Variants in PDE4D observed in about 807,000 individuals in gnomAD.
PDE4D encodes 3',5'-cyclic-AMP phosphodiesterase 4D.
Under a neutral mutation model 87.4 loss-of-function variants are expected in PDE4D, and 24 were observed. The observed-to-expected ratio is 0.27, with a 90% CI of 0.20 to 0.39. PDE4D has a LOEUF of 0.39. PDE4D is among the 10% of genes least tolerant of loss of function. The pLI, the probability that PDE4D is intolerant of heterozygous loss-of-function variation, is 1.00. For missense variants in PDE4D, 714 were observed against 1,041.0 expected (o/e 0.69, Z 4.32); for synonymous variants, 384 against 383.2 (o/e 1.00, Z -0.02).
intron 2 of PDE4D, among the ~76,000 whole-genome samples, chr5:60,009,834 T>C (rs991467419): frequency 2.6e-5 from 4 of 152,142 alleles, no homozygotes; most frequent in Non-Finnish European, 5.9e-5. Flanking sequence ...ATTGGTTTAA[T>C]TTTACTGAGT....
chr5:59,864,466 A>G (rs1394067484), intron 1 of PDE4D, among the ~76,000 whole-genome samples: 9 of 152,228 alleles, frequency 5.9e-5, no homozygotes, highest in African/African-American at 2.2e-4. Context: ...GTGTCTTCCT[A>G]AAAATAAACC....
chr5:60,495,095 C>T (rs1215541546), intron 1 of PDE4D, among the ~76,000 whole-genome samples: 2 of 152,198 alleles, frequency 1.3e-5, no homozygotes, highest in African/African-American at 2.4e-5. Context: ...ACTTCTTTAA[C>T]CTTCCCACAA....
In PDE4D at chr5:59,004,348, T is replaced by A. The variant is rs148112469; in HGVS notation, c.922-10883A>T. Among the ~76,000 whole-genome samples the A allele has an allele frequency of 1.6e-4, 24 of 152,364 alleles. No individual in the cohort carries two copies. The East Asian group carries it at 4.6e-3, about 29-fold the overall frequency. On this transcript the variant is annotated intron_variant, in intron 6 of 14. Coordinates refer to ENST00000340635, the MANE Select transcript of PDE4D (RefSeq NM_001104631.2). The stretch of plus-strand genomic sequence containing the variant: ...CATGGAAAATGAGAATAATAGTTTC[T>A]ACCTTACAGGGTTGTTGTGAGGATT...
intron 1 of PDE4D, among the ~76,000 whole-genome samples, chr5:60,232,999 A>G (rs1745990412): frequency 6.6e-6 from 1 of 151,870 alleles, no homozygotes; most frequent in Admixed American, 6.6e-5. Flanking sequence ...GGTATTAAAT[A>G]ATCCCAATTA....
intron 1 of PDE4D, among the ~76,000 whole-genome samples, chr5:59,222,504 T>C (rs1364184783): frequency 3.3e-5 from 5 of 152,082 alleles, no homozygotes; most frequent in Non-Finnish European, 7.4e-5. Context: ...GAGCAGCTGC[T>C]AAGGAACCTC....
chr5:59,178,338 G>T (rs901659460), intron 5 of PDE4D, among the ~76,000 whole-genome samples: 1 of 152,152 alleles, frequency 6.6e-6, no homozygotes, highest in Non-Finnish European at 1.5e-5. Context: ...GGTAACAACA[G>T]TTAATTAGTT....
At chr5:59,199,968 ACATAC>A (rs1746433749) in intron 2 of PDE4D, among the ~76,000 whole-genome samples, 1 of 149,654 alleles carries the variant, frequency 6.7e-6, no homozygotes, top group Non-Finnish European at 1.5e-5. Flanking sequence ...ACATACAGGC[ACATAC>A]ATACATATAT....
At chr5:59,031,457 C>G (rs1411188185) in intron 6 of PDE4D, among the ~76,000 whole-genome samples, 2 of 141,838 alleles carry the variant, frequency 1.4e-5, no homozygotes, top group Non-Finnish European at 3.0e-5. Flanking sequence ...TCTGTAATCC[C>G]AGCACTTTGG....
At chr5:59,370,528 G>C (rs1032019591) in intron 1 of PDE4D, among the ~76,000 whole-genome samples, 2 of 152,038 alleles carry the variant, frequency 1.3e-5, no homozygotes, top group Non-Finnish European at 2.9e-5. Context: ...TAACAGACAG[G>C]GATACCTATT....
intron 1 of PDE4D, among the ~76,000 whole-genome samples, chr5:60,210,562 A>G (rs1388788540): frequency 6.6e-6 from 1 of 152,132 alleles, no homozygotes; most frequent in Non-Finnish European, 1.5e-5. Context: ...AAAAGATAGT[A>G]AAGGCTTTCC....
chr5:59,931,694 C>CTTTTTTTTTTTTTTT (rs35943138), intron 3 of PDE4D, among the ~76,000 whole-genome samples: 18 of 126,596 alleles, frequency 1.4e-4, no homozygotes, highest in East Asian at 2.3e-4. Flanking sequence ...TCTTCTTCTT[C>CTTTTTTTTTTTTTTT]TTTTTTTTTT....
rs377026762 is a variant in PDE4D at position 60,180,079 on chromosome 5, T to G, written c.42+5478A>C. Among the ~76,000 whole-genome samples, 5 of 152,174 alleles carry G rather than the reference T, an allele frequency of 3.3e-5. No individual in the cohort carries two copies. The South Asian group carries it at 1.0e-3, about 31-fold the overall frequency. On this transcript the variant is annotated intron_variant, in intron 2 of 16. Coordinates refer to the PDE4D transcript ENST00000502484. ...TTTGTAATTCAACTTCAACTTGAAATTGTCCAAAAATGAAATAGCAAACAC... is the reference window on the plus strand; with the variant it reads ...TTTGTAATTCAACTTCAACTTGAAAGTGTCCAAAAATGAAATAGCAAACAC...
intron 2 of PDE4D, among the ~76,000 whole-genome samples, chr5:60,172,265 T>C (rs919099268): frequency 5.7e-5 from 8 of 140,964 alleles, no homozygotes; most frequent in Non-Finnish European, 1.2e-4. Flanking sequence ...AGTACTTCAA[T>C]ACACACACAC....
chr5:59,081,518 T>TAAAAAAAAAAAAAA (rs35050580), intron 5 of PDE4D, among the ~76,000 whole-genome samples: 8 of 135,428 alleles, frequency 5.9e-5, no homozygotes, highest in Admixed American at 1.5e-4. Context: ...AGTAATCAGG[T>TAAAAAAAAAAAAAA]AAAAAAAAAA....
At chr5:59,269,371 A>G (rs1467092713) in intron 1 of PDE4D, among the ~76,000 whole-genome samples, 1 of 152,172 alleles carries the variant, frequency 6.6e-6, no homozygotes, top group Non-Finnish European at 1.5e-5. Flanking sequence ...TAAGATGCTA[A>G]ATAAAATGAA....
intron 1 of PDE4D, among the ~76,000 whole-genome samples, chr5:59,374,770 C>T (rs1199916963): frequency 2.6e-5 from 4 of 151,812 alleles, no homozygotes; most frequent in Non-Finnish European, 5.9e-5. Flanking sequence ...ATCACATAAT[C>T]AGAAGTAAAA....
intron 5 of PDE4D, among the ~76,000 whole-genome samples, chr5:59,044,650 T>A (rs1760314646): frequency 6.6e-6 from 1 of 152,256 alleles, no homozygotes; most frequent in Non-Finnish European, 1.5e-5. Context: ...TCTCTTTCAA[T>A]GTGTACATGT....
intron 6 of PDE4D, chr5:58,999,949 G>A (rs943794070): frequency 1.1e-5 from 11 of 981,984 alleles, no homozygotes; most frequent in Non-Finnish European, 1.3e-5. Flanking sequence ...AAGCCGGGAA[G>A]AGTGACAAGA....
chr5:59,274,510 G>C (rs26708), intron 1 of PDE4D, among the ~76,000 whole-genome samples: 69,904 of 151,864 alleles, frequency 0.46, 16,382 homozygotes, highest in Middle Eastern at 0.49. Context: ...TTTCCCCAGT[G>C]TGAGGTATGA....
Sources: allele counts gnomAD v4.1 joint callset (sites outside exome capture counted in the v4.1 genomes callset), GRCh38; gene constraint gnomAD v4.1.1; transcripts MANE v1.5; gene names NCBI Gene and HGNC (gene_info 2026-07-23, HGNC 2026-07-21).